The following RORA variants were observed in gnomAD, a reference collection of about 807,000 sequenced individuals.
RORA encodes RAR related orphan receptor A, also known as nuclear receptor ROR-alpha.
In RORA, 7 loss-of-function variants were observed where a neutral mutation model predicts 69.5. The observed-to-expected ratio is 0.10, with a 90% CI of 0.06 to 0.19. RORA has a LOEUF of 0.19. Ranked by LOEUF, RORA falls within the 10% of genes least tolerant of loss-of-function variation. The pLI is 1.00. For synonymous variants in RORA, 261 were observed against 240.8 expected (o/e 1.08, Z -0.78); for missense variants, 457 against 663.0 (o/e 0.69, Z 3.41).
At chr15:60,743,579 G>A (rs2071606842) in intron 1 of RORA, among the ~76,000 whole-genome samples, 1 of 152,184 alleles carries the variant, frequency 6.6e-6, no homozygotes, top group Non-Finnish European at 1.5e-5. Context: ...ACACTGATAA[G>A]TCTTATAAAG....
At chr15:60,663,560 A>G (rs2070335329) in intron 2 of RORA, among the ~76,000 whole-genome samples, 1 of 152,174 alleles carries the variant, frequency 6.6e-6, no homozygotes, top group African/African-American at 2.4e-5. Flanking sequence ...GGTTCGAGTG[A>G]TTATCTTGCC....
intron 1 of RORA, among the ~76,000 whole-genome samples, chr15:60,959,271 T>G (rs554083043): frequency 2.2e-4 from 34 of 152,272 alleles, no homozygotes; most frequent in Non-Finnish European, 3.7e-4. Context: ...CCCAAAGAGA[T>G]CTAACAAAAT....
chr15:60,559,569 G>A (rs1189275623), intron 2 of RORA, among the ~76,000 whole-genome samples: 4 of 152,136 alleles, frequency 2.6e-5, no homozygotes, highest in African/African-American at 9.7e-5. Flanking sequence ...CTTCTCAGAT[G>A]GTTTGTGACA....
In RORA at chr15:60,695,574, C is replaced by T. The variant is rs1365379217; in HGVS notation, c.167-16888G>A. ...GATCCTGTTACTCTTTATTTACGTA[C>T]ATAAAACCCGTGCCTCAGTTTCCAA... On this transcript the variant is annotated intron_variant, in intron 1 of 10. Coordinates refer to ENST00000335670, the MANE Select transcript of RORA (RefSeq NM_134261.3). 3.3e-5 allele frequency among the ~76,000 whole-genome samples: 5 copies of T among 152,034 alleles called. No homozygotes were observed. In the East Asian group the frequency reaches 9.7e-4, roughly 29 times the overall value.
At chr15:60,856,594 T>C (rs562764232) in intron 1 of RORA, among the ~76,000 whole-genome samples, 4 of 152,044 alleles carry the variant, frequency 2.6e-5, no homozygotes, top group South Asian at 4.1e-4. Flanking sequence ...TTTTACAACT[T>C]GAAAAAAAAT....
At chr15:60,637,392 T>C (rs1382986006) in intron 2 of RORA, among the ~76,000 whole-genome samples, 1 of 152,148 alleles carries the variant, frequency 6.6e-6, no homozygotes, top group Admixed American at 6.5e-5. Context: ...TTGTCCTTTT[T>C]GCTGATTGTT....
At chr15:60,846,618 G>C (rs1189045775) in intron 1 of RORA, among the ~76,000 whole-genome samples, 2 of 152,192 alleles carry the variant, frequency 1.3e-5, no homozygotes, top group Non-Finnish European at 2.9e-5. Context: ...TCACACATTA[G>C]AGCTTTTGTC....
intron 2 of RORA, among the ~76,000 whole-genome samples, chr15:60,671,930 C>T (rs150541708): frequency 6.6e-6 from 1 of 151,538 alleles, no homozygotes; most frequent in African/African-American, 2.4e-5. Context: ...CCTGTCTCTA[C>T]AAAAAACTAA....
chr15:61,028,775 A>G (rs1348897060), intron 1 of RORA, among the ~76,000 whole-genome samples: 2 of 152,250 alleles, frequency 1.3e-5, no homozygotes, highest in Non-Finnish European at 2.9e-5. Flanking sequence ...TAGTCTGTCC[A>G]TACAATGAAA....
At chr15:60,549,115 A>G (rs1337727669) in intron 2 of RORA, among the ~76,000 whole-genome samples, 1 of 152,224 alleles carries the variant, frequency 6.6e-6, no homozygotes, top group Non-Finnish European at 1.5e-5. Flanking sequence ...TATTTTGTAA[A>G]CAGGCAACAA....
At chr15:60,822,181 AC>A (rs1815481444) in intron 1 of RORA, among the ~76,000 whole-genome samples, 1 of 152,232 alleles carries the variant, frequency 6.6e-6, no homozygotes, top group Non-Finnish European at 1.5e-5. Flanking sequence ...TACTTCCACA[AC>A]TGAAATTGCC....
chr15:61,177,418 G>A (rs899858163), intron 1 of RORA, among the ~76,000 whole-genome samples: 5 of 152,026 alleles, frequency 3.3e-5, no homozygotes, highest in East Asian at 1.9e-4. Flanking sequence ...GTTTTGAAAG[G>A]GAAACTTTAT....
intron 2 of RORA, among the ~76,000 whole-genome samples, chr15:60,659,490 G>A (rs1323391014): frequency 1.3e-5 from 2 of 152,106 alleles, no homozygotes; most frequent in South Asian, 2.1e-4. Flanking sequence ...GCACCTTTTC[G>A]CTACCTGAAA....
intron 1 of RORA, among the ~76,000 whole-genome samples, chr15:61,107,698 G>T (rs555621168): frequency 6.6e-6 from 1 of 151,778 alleles, no homozygotes; most frequent in East Asian, 1.9e-4. Flanking sequence ...ATTACCCTGT[G>T]GCTCTTTTGG....
chr15:60,746,166 T>C (rs1393606901), intron 1 of RORA, among the ~76,000 whole-genome samples: 1 of 152,196 alleles, frequency 6.6e-6, no homozygotes, highest in African/African-American at 2.4e-5. Context: ...CTCCATTTTT[T>C]AAAATCCAAA....
At chr15:60,848,224 T>A (rs1176570855) in intron 1 of RORA, 1 of 152,274 alleles carries the variant, frequency 6.6e-6, no homozygotes, top group Admixed American at 6.5e-5. Flanking sequence ...GGAAGAATAA[T>A]GGCCCCCAAA....
intron 1 of RORA, among the ~76,000 whole-genome samples, chr15:61,142,059 C>T (rs1031824695): frequency 6.6e-6 from 1 of 152,090 alleles, no homozygotes; most frequent in African/African-American, 2.4e-5. Context: ...CAGCAGTTAC[C>T]CTTTCACATT....
chr15:60,926,404 C>T (rs998722437), intron 1 of RORA, among the ~76,000 whole-genome samples: 1 of 152,206 alleles, frequency 6.6e-6, no homozygotes, highest in Non-Finnish European at 1.5e-5. Context: ...CTCAGCAGTA[C>T]TTGGAGACCG....
chr15:60,966,748 T>C (rs568037013), intron 1 of RORA, among the ~76,000 whole-genome samples: 2 of 152,306 alleles, frequency 1.3e-5, no homozygotes, highest in South Asian at 4.1e-4. Context: ...GCCACAGAAG[T>C]AAACACATGC....
Sources: gnomAD v4.1 joint callset for allele counts (sites outside exome capture counted in the v4.1 genomes callset) on GRCh38, gnomAD v4.1.1 for gene constraint, MANE v1.5 for transcripts, NCBI Gene and HGNC (gene_info 2026-07-23, HGNC 2026-07-21) for gene names.